KAT14: variants seen among roughly 807,000 people sequenced by gnomAD.
KAT14 encodes lysine acetyltransferase 14.
A neutral mutation model predicts 78.4 loss-of-function variants in KAT14; 66 were observed. The ratio of observed to expected loss-of-function variants is 0.84; its 90% CI spans 0.69 to 1.03. The LOEUF (loss-of-function observed/expected upper bound fraction) is 1.03. Ranked by LOEUF, KAT14 falls within the 50% of genes least tolerant of loss-of-function variation. The pLI is 0.00. For missense variants in KAT14, 870 were observed against 972.5 expected (o/e 0.89, Z 1.40); for synonymous variants, 344 against 359.4 (o/e 0.96, Z 0.48).
At chr20:18,144,437 G>T (rs1352680555) in intron 2 of KAT14, among the ~76,000 whole-genome samples, 2 of 152,090 alleles carry the variant, frequency 1.3e-5, no homozygotes, top group East Asian at 3.9e-4. Flanking sequence ...CTTATCCTTA[G>T]GGCTTTGCAC....
rs1450437949 is a variant in KAT14, at chr20:18,145,247, C to G, written c.274C>G (p.Gln92Glu). ...TTTTCTCCTAGGTCAGCTGAGGGAACAGCTCAGTTACCTTAAGGGTGATAA... is the reference window on the plus strand; with the variant it reads ...TTTTCTCCTAGGTCAGCTGAGGGAAGAGCTCAGTTACCTTAAGGGTGATAA... ...KWIPASQLREQLSYLKGDNFF... is the reference protein window; with the variant it reads ...KWIPASQLREELSYLKGDNFF... Residue 92 changes from glutamine to glutamate, a missense_variant, in exon 3 of 11, where the codon CAG becomes GAG. Gln to Glu is a conservative substitution (Grantham distance 29). Coordinates refer to ENST00000688188, the MANE Select transcript of KAT14 (RefSeq NM_001392073.1). The G allele has an allele frequency of 1.9e-6, 3 of 1,613,956 alleles. No homozygotes were observed. Among genetic ancestry groups the G allele is most frequent in the Admixed American group, 1.7e-5 (1 of 59,982 alleles).
intron 4 of KAT14, among the ~76,000 whole-genome samples, chr20:18,154,401 C>T (rs968108365): frequency 6.6e-6 from 1 of 152,144 alleles, no homozygotes; most frequent in African/African-American, 2.4e-5. Context: ...CAACCTCCGC[C>T]TCCCAGGTTC....
rs985398909 is a variant in KAT14, at chr20:18,162,469, G to A, written c.1192G>A (p.Gly398Arg). 2 of 1,614,120 alleles carry A rather than the reference G, an allele frequency of 1.2e-6. No individual in the cohort carries two copies. The highest frequency in any genetic ancestry group is 1.7e-6 in the Non-Finnish European group (2 of 1,180,028). ...AGSVASGPVV[G>R]VRKKVRGPEQ... ...GTCAGTAGCTTCTGGGCCAGTGGTTGGGGTCAGAAAGAAGGTCAGAGGCCC... is the reference window on the plus strand; with the variant it reads ...GTCAGTAGCTTCTGGGCCAGTGGTTAGGGTCAGAAAGAAGGTCAGAGGCCC... Residue 398 changes from glycine to arginine, a missense_variant, in exon 7 of 11, where the codon GGG (glycine) becomes AGG (arginine). Transcript: ENST00000688188.
Position 18,143,297 on chromosome 20 carries a change from C to T in KAT14, c.259+378C>T, listed in dbSNP as rs560706057. ...AATTACTTTGTTAATATTTAACTTA[C>T]GTGGAGAACTCCTGCTATTGTATAC... On this transcript the variant is annotated intron_variant, in intron 2 of 10. Coordinates refer to ENST00000688188, the MANE Select transcript of KAT14 (RefSeq NM_001392073.1). 9.8e-5 allele frequency: 49 copies of T among 498,010 alleles called. 1 individual carries two copies. Among genetic ancestry groups the T allele is most frequent in the Middle Eastern group, 1.9e-3 (2 of 1,066 alleles). 30.8% of individuals were successfully genotyped at this position (498,010 alleles called of 1,614,324 possible).
intron 4 of KAT14, among the ~76,000 whole-genome samples, chr20:18,157,680 C>G (rs2146408094): frequency 6.6e-6 from 1 of 152,264 alleles, no homozygotes; most frequent in South Asian, 2.1e-4. Context: ...ACTCTAAATA[C>G]TTCATATATG....
At chr20:18,169,955 C>T (rs543934235) in intron 7 of KAT14, among the ~76,000 whole-genome samples, 17 of 152,300 alleles carry the variant, frequency 1.1e-4, no homozygotes, top group Non-Finnish European at 2.4e-4. Context: ...AAACCAGCCA[C>T]AGTATTCCCT....
rs1486382654 is a variant in KAT14 at position 18,161,963 on chromosome 20, A to T, written c.823A>T (p.Lys275Ter). Residue 275 changes from lysine to a stop codon, truncating the protein, a stop_gained, in exon 6 of 11, where the codon AAG becomes TAG. Transcript: ENST00000688188. LOFTEE classifies it high-confidence loss of function. ...QEAKDIRRAQKEAAGFLDRST... is the reference protein window; with the variant it reads ...QEAKDIRRAQ ...AGCAAAAGACATTAGAAGAGCCCAG[A>T]AGGAGGCCGCTGGCTTTCTTGACAG... 13 of 1,614,274 alleles carry T rather than the reference A, an allele frequency of 8.1e-6. No individual in the cohort carries two copies. The highest frequency in any genetic ancestry group is 1.1e-5 in the Non-Finnish European group (13 of 1,180,050).
In KAT14 at chr20:18,187,296, G is replaced by T. The variant is rs2039479784; in HGVS notation, c.2183G>T (p.Gly728Val). ...CCACTCTTTTGGCAGACCTGCATGG[G>T]CAAGGACGTAACCCTTCACGTCTCA... is the stretch of plus-strand genomic sequence containing the variant. ...MIYHLIQTCM[G>V]KDVTLHVSAS... is the part of the protein sequence containing the mutation. Residue 728 changes from glycine (G) to valine (V), a missense_variant, in exon 11 of 11, where the codon GGC becomes GTC. Transcript: ENST00000688188. 10 of 1,608,542 alleles carry T rather than the reference G, an allele frequency of 6.2e-6. No individual in the cohort carries two copies. The highest frequency in any genetic ancestry group is 8.5e-6 in the Non-Finnish European group (10 of 1,178,480).
chr20:18,183,911 C>T (rs143243826), intron 9 of KAT14, among the ~76,000 whole-genome samples: 1 of 152,290 alleles, frequency 6.6e-6, no homozygotes, highest in East Asian at 1.9e-4. Context: ...GGAAATAATA[C>T]ATGTCTTTCA....
intron 7 of KAT14, among the ~76,000 whole-genome samples, chr20:18,171,332 C>T (rs2038835828): frequency 6.6e-6 from 1 of 152,196 alleles, no homozygotes; most frequent in South Asian, 2.1e-4. Flanking sequence ...ATAAGTGTTG[C>T]TTCTTATGGA....
At chr20:18,167,581 C>G (rs2146458468) in intron 7 of KAT14, among the ~76,000 whole-genome samples, 1 of 152,120 alleles carries the variant, frequency 6.6e-6, no homozygotes, top group East Asian at 1.9e-4. Context: ...TGATTCTTGA[C>G]TTTTGAAATG....
intron 7 of KAT14, among the ~76,000 whole-genome samples, chr20:18,166,828 G>A (rs1197650029): frequency 6.6e-6 from 1 of 152,200 alleles, no homozygotes; most frequent in Non-Finnish European, 1.5e-5. Context: ...ATACTGAAAA[G>A]ACCCTCATTA....
At chr20:18,165,030 A>G (rs995587468) in intron 7 of KAT14, among the ~76,000 whole-genome samples, 1 of 152,180 alleles carries the variant, frequency 6.6e-6, no homozygotes, top group Non-Finnish European at 1.5e-5. Flanking sequence ...CAGCATAGAA[A>G]TATGGTATAA....
intron 3 of KAT14, among the ~76,000 whole-genome samples, chr20:18,146,662 A>T (rs2037838188): frequency 6.6e-6 from 1 of 152,044 alleles, no homozygotes; most frequent in Non-Finnish European, 1.5e-5. Context: ...TCCATCTCAA[A>T]AAAAACCAAA....
chr20:18,180,740 G>C (rs777670009), intron 7 of KAT14, among the ~76,000 whole-genome samples: 26 of 152,092 alleles, frequency 1.7e-4, no homozygotes, highest in Non-Finnish European at 3.2e-4. Flanking sequence ...AGATGCAAAA[G>C]CAGAAACCCC....
chr20:18,162,344 T>G, intron 6 of KAT14, 33 bp from the exon 7 acceptor site: 3 of 1,602,674 alleles, frequency 1.9e-6, no homozygotes, highest in Non-Finnish European at 2.6e-6. Flanking sequence ...TTCCTTCCTA[T>G]GTCTTGATGA....
intron 10 of KAT14, 100 bp from the exon 11 acceptor site, chr20:18,187,186 T>A: frequency 6.9e-7 from 1 of 1,444,328 alleles, no homozygotes; most frequent in Non-Finnish European, 9.2e-7. Flanking sequence ...TTTCTCCGGT[T>A]TCCATAACTA....
intron 7 of KAT14, among the ~76,000 whole-genome samples, chr20:18,173,641 T>G (rs149642184): frequency 8.8e-6 from 1 of 113,310 alleles, no homozygotes; most frequent in Non-Finnish European, 1.9e-5. Flanking sequence ...TTTTTTTTTG[T>G]CTTTTCTTTT....
chr20:18,176,089 G>T (rs184353620), intron 7 of KAT14, among the ~76,000 whole-genome samples: 105 of 151,106 alleles, frequency 6.9e-4, no homozygotes, highest in African/African-American at 2.6e-3. Context: ...AGATCATGAT[G>T]TCAGGAGTTC....
Sources: allele counts gnomAD v4.1 joint callset (sites outside exome capture counted in the v4.1 genomes callset), GRCh38; gene constraint gnomAD v4.1.1; transcripts MANE v1.5; gene names NCBI Gene and HGNC (gene_info 2026-07-23, HGNC 2026-07-21).